Variants in CLDN16 observed in about 807,000 individuals in gnomAD.
CLDN16 encodes claudin 16.
A neutral mutation model predicts 24.6 loss-of-function variants in CLDN16; 13 were observed. That is an observed-to-expected ratio of 0.53 (90% confidence interval 0.34 to 0.84). CLDN16 has a LOEUF of 0.84. Among genes scored for constraint, CLDN16 ranks in the 40% least tolerant of loss-of-function variants. CLDN16 has a pLI of 0.01. For missense variants in CLDN16, 298 were observed against 292.7 expected, an observed-to-expected ratio of 1.02 and a Z score of -0.13; for synonymous variants, 116 against 106.7, an observed-to-expected ratio of 1.09 and a Z score of -0.54.
At chr3:190,390,536 AAAG>A (rs56312204) in intron 1 of CLDN16, among the ~76,000 whole-genome samples, 28,241 of 151,652 alleles carry the variant, frequency 0.19, 3,035 homozygotes, top group Middle Eastern at 0.29. Flanking sequence ...CCATCTTAAA[AAAG>A]AAGAAGAAGA....
At chr3:190,359,885 A>G (rs1024852387) in intron 1 of CLDN16, among the ~76,000 whole-genome samples, 1 of 152,000 alleles carries the variant, frequency 6.6e-6, no homozygotes, top group African/African-American at 2.4e-5. Flanking sequence ...GTGGCCTAAA[A>G]GGAGCTATGA....
At chr3:190,316,032 C>G in the CLDN16 span, among the ~76,000 whole-genome samples, 1 of 152,194 alleles carries the variant, frequency 6.6e-6, no homozygotes, top group Non-Finnish European at 1.5e-5. Flanking sequence ...TCAAATCTAT[C>G]TTGCCACTTC....
At chr3:190,327,559 C>T (rs891275092) in intron 1 of CLDN16, among the ~76,000 whole-genome samples, 1 of 152,184 alleles carries the variant, frequency 6.6e-6, no homozygotes, top group African/African-American at 2.4e-5. Flanking sequence ...AGTAGTTTAT[C>T]CCAAGTTACA....
chr3:190,350,725 T>C (rs940172909), intron 1 of CLDN16, among the ~76,000 whole-genome samples: 2 of 152,184 alleles, frequency 1.3e-5, no homozygotes, highest in Non-Finnish European at 2.9e-5. Context: ...GTTCAGGCCA[T>C]AACTTCCTTA....
chr3:190,353,204 T>A (rs1717704076), intron 1 of CLDN16, among the ~76,000 whole-genome samples: 1 of 152,128 alleles, frequency 6.6e-6, no homozygotes, highest in Admixed American at 6.6e-5. Context: ...ACTGTAAGAC[T>A]ATGCCACCTT....
the CLDN16 span, among the ~76,000 whole-genome samples, chr3:190,294,686 C>T: frequency 6.6e-6 from 1 of 152,004 alleles, no homozygotes; most frequent in Admixed American, 6.5e-5. Context: ...AAAACAATTT[C>T]TTCTGAAGAA....
the CLDN16 span, among the ~76,000 whole-genome samples, chr3:190,309,706 A>C: frequency 6.6e-6 from 1 of 152,192 alleles, no homozygotes; most frequent in African/African-American, 2.4e-5. Context: ...AAACATACAT[A>C]ATAGCTTTAC....
chr3:190,328,475 A>T (rs1717116671), intron 1 of CLDN16, among the ~76,000 whole-genome samples: 1 of 152,192 alleles, frequency 6.6e-6, no homozygotes, highest in Non-Finnish European at 1.5e-5. Flanking sequence ...AATAAAATTG[A>T]TTGAAGTCAC....
the CLDN16 span, among the ~76,000 whole-genome samples, chr3:190,301,398 G>A: frequency 6.6e-6 from 1 of 152,106 alleles, no homozygotes; most frequent in Non-Finnish European, 1.5e-5. Flanking sequence ...CAGAGGCTGA[G>A]GTGGGAGAAT....
the CLDN16 span, among the ~76,000 whole-genome samples, chr3:190,290,637 T>G: frequency 3.3e-5 from 5 of 152,202 alleles, no homozygotes; most frequent in African/African-American, 1.2e-4. Context: ...CTATCTCACC[T>G]GCTTAGCAAT....
rs745357744 is a variant in CLDN16 at position 190,404,658 on chromosome 3, G to A, written c.218-104G>A. ...ACAAAGTCTGACTTTTACCGGAGGGGTGTGTTAATGTTACCTACTTGTCTG... is the reference window on the plus strand; with the variant it reads ...ACAAAGTCTGACTTTTACCGGAGGGATGTGTTAATGTTACCTACTTGTCTG... On this transcript the variant is annotated intron_variant, in intron 2 of 4. Coordinates refer to ENST00000264734, the MANE Select transcript of CLDN16 (RefSeq NM_006580.4). 1.7e-5 allele frequency: 18 copies of A among 1,055,826 alleles called. No individual in the cohort carries two copies. In the African/African-American group the frequency reaches 1.9e-4, roughly 11 times the overall value. The allele number at this position is 1,055,826 out of a possible 1,614,324, so 65.4% of individuals were successfully genotyped here.
At chr3:190,345,241 T>A (rs568312726) in intron 1 of CLDN16, among the ~76,000 whole-genome samples, 176 of 152,286 alleles carry the variant, frequency 1.2e-3, no homozygotes, top group African/African-American at 2.6e-3. Flanking sequence ...TTGGCTCGGA[T>A]GGATACTACC....
intron 3 of CLDN16, among the ~76,000 whole-genome samples, chr3:190,381,342 A>T (rs1216080272): frequency 6.6e-6 from 1 of 152,090 alleles, no homozygotes; most frequent in African/African-American, 2.4e-5. Context: ...TTGCTTGATC[A>T]CTGTTACTCT....
intron 1 of CLDN16, among the ~76,000 whole-genome samples, chr3:190,362,902 G>C (rs185771698): frequency 9.3e-4 from 141 of 151,940 alleles, no homozygotes; most frequent in African/African-American, 3.0e-3. Flanking sequence ...CTTTTAAGAT[G>C]CTCACCTTAG....
chr3:190,375,782 C>T (rs1315537372), intron 3 of CLDN16, among the ~76,000 whole-genome samples: 1 of 151,874 alleles, frequency 6.6e-6, no homozygotes, highest in Non-Finnish European at 1.5e-5. Context: ...GATTCGGCTT[C>T]TGCAACTAAA....
At chr3:190,292,708 C>T in the CLDN16 span, among the ~76,000 whole-genome samples, 2 of 152,140 alleles carry the variant, frequency 1.3e-5, no homozygotes, top group South Asian at 4.1e-4. Context: ...GTTTAAAGTT[C>T]CACATATCTC....
chr3:190,322,012 T>G (rs145197251), upstream of CLDN16: 1 of 1,614,144 alleles, frequency 6.2e-7, no homozygotes, highest in South Asian at 1.1e-5. Flanking sequence ...AGTCAAAGAC[T>G]TTGCACTGGA....
intron 1 of CLDN16, among the ~76,000 whole-genome samples, chr3:190,329,019 C>T (rs16865373): frequency 0.046 from 6,991 of 152,280 alleles, 204 homozygotes; most frequent in East Asian, 0.081. Context: ...AATAGTTTAA[C>T]TTACAGGATT....
chr3:190,336,810 C>G (rs1006998591), intron 1 of CLDN16, among the ~76,000 whole-genome samples: 1 of 152,172 alleles, frequency 6.6e-6, no homozygotes, highest in Non-Finnish European at 1.5e-5. Context: ...AAAAGCTGTT[C>G]GCCAAGAACT....
Sources: gnomAD v4.1 joint callset for allele counts (sites outside exome capture counted in the v4.1 genomes callset) on GRCh38, gnomAD v4.1.1 for gene constraint, MANE v1.5 for transcripts, NCBI Gene and HGNC (gene_info 2026-07-23, HGNC 2026-07-21) for gene names.